RTN1: variants seen among roughly 807,000 people sequenced by gnomAD.
The protein encoded by RTN1 is reticulon 1, also known as reticulon-1.
A neutral mutation model predicts 65.5 loss-of-function variants in RTN1; 25 were observed. The ratio of observed to expected loss-of-function variants is 0.38; its 90% confidence interval spans 0.28 to 0.53. The LOEUF (loss-of-function observed/expected upper bound fraction) is 0.53. Ranked by LOEUF, RTN1 falls within the 20% of genes least tolerant of loss-of-function variation. The probability of loss-of-function intolerance (pLI) is 0.79; values close to 1 mark genes in which losing one functional copy is unlikely to be tolerated. For synonymous variants in RTN1, 471 were observed against 447.6 expected, an observed-to-expected ratio of 1.05 and a Z score of -0.66; for missense variants, 983 against 1,025.4, an observed-to-expected ratio of 0.96 and a Z score of 0.57.
intron 1 of RTN1, among the ~76,000 whole-genome samples, chr14:59,860,140 A>G (rs1887682037): frequency 6.6e-6 from 1 of 152,242 alleles, no homozygotes; most frequent in Non-Finnish European, 1.5e-5. Context: ...TCTTCACAGT[A>G]GCCCCTCCCA....
chr14:59,652,539 G>T (rs910921031), intron 3 of RTN1, among the ~76,000 whole-genome samples: 14 of 152,162 alleles, frequency 9.2e-5, no homozygotes, highest in African/African-American at 3.4e-4. Flanking sequence ...GATCACGAAT[G>T]GAGCTGGAGG....
chr14:59,689,138 A>T (rs558695678), intron 3 of RTN1, among the ~76,000 whole-genome samples: 106 of 152,302 alleles, frequency 7.0e-4, no homozygotes, highest in African/African-American at 2.4e-3. Context: ...TCTATAATTG[A>T]AAAACTCATT....
intron 1 of RTN1, 34 bp from the exon 2 acceptor site, chr14:59,746,515 G>A (rs944468310): frequency 1.3e-6 from 2 of 1,525,038 alleles, no homozygotes; most frequent in Non-Finnish European, 1.8e-6. Flanking sequence ...CAGTGAGTGG[G>A]TGCTTGGCGT....
At chr14:59,819,269 T>C (rs1167296717) in intron 1 of RTN1, among the ~76,000 whole-genome samples, 1 of 151,686 alleles carries the variant, frequency 6.6e-6, no homozygotes, top group Non-Finnish European at 1.5e-5. Flanking sequence ...ATGGAAGGGG[T>C]TCCTAGGAGG....
intron 1 of RTN1, among the ~76,000 whole-genome samples, chr14:59,795,782 GTAATTGTTGCTGAT>G (rs1293085568): frequency 6.6e-6 from 1 of 152,138 alleles, no homozygotes; most frequent in Non-Finnish European, 1.5e-5. Flanking sequence ...GTATATACAT[GTAATTGTTGCTGAT>G]TAATGTCACA....
At position 59,803,770 on chromosome 14, in the gene RTN1, G is replaced by C. The variant is rs1403236379; in HGVS notation, c.242-57289C>G. Among the ~76,000 whole-genome samples the C allele has an allele frequency of 6.6e-6, 1 of 152,196 alleles. No homozygotes were observed. The highest frequency in any genetic ancestry group is 2.4e-5 in the African/African-American group (1 of 41,444). ...AAAAACAGCAGCAAATAGCAAATGA[G>C]GCAGTATGCAGGTAGGTGGTTTAGG... On this transcript the variant is annotated intron_variant, in intron 1 of 8. Transcript: ENST00000267484. This position sits in a 1 kb window ranked among gnomAD's most constrained non-coding sequence, Gnocchi z 5.6.
intron 1 of RTN1, among the ~76,000 whole-genome samples, chr14:59,796,847 T>G (rs958262041): frequency 6.6e-6 from 1 of 152,186 alleles, no homozygotes. Flanking sequence ...TTTCACCAAC[T>G]AGATTGTGGG....
chr14:59,667,437 C>G lies in RTN1; in HGVS notation c.1765+59482G>C, dbSNP rs1424677100. Among the ~76,000 whole-genome samples, 3 of 152,262 alleles carry G rather than the reference C, an allele frequency of 2.0e-5. No individual in the cohort carries two copies. The East Asian group carries it at 5.8e-4, about 29-fold the overall frequency. On this transcript the variant is annotated intron_variant, in intron 3 of 8. Transcript: ENST00000267484. ...TTTCATGCTAAAAACTCTCAATCAACTAGGTATTGATGGAACATACCTCAA... is the reference window on the plus strand; with the variant it reads ...TTTCATGCTAAAAACTCTCAATCAAGTAGGTATTGATGGAACATACCTCAA...
chr14:59,835,656 C>T (rs1156450792), intron 1 of RTN1, among the ~76,000 whole-genome samples: 1 of 152,132 alleles, frequency 6.6e-6, no homozygotes, highest in Non-Finnish European at 1.5e-5. Flanking sequence ...CCCTGTAAGT[C>T]TCCAAATGAG....
At chr14:59,699,552 G>C (rs1011411452) in intron 3 of RTN1, among the ~76,000 whole-genome samples, 6 of 152,156 alleles carry the variant, frequency 3.9e-5, no homozygotes, top group Admixed American at 6.6e-5. Flanking sequence ...TGGAGGATGG[G>C]GAAGTAGCAA....
At chr14:59,746,992 T>G (rs1014784016) in intron 1 of RTN1, among the ~76,000 whole-genome samples, 1 of 152,198 alleles carries the variant, frequency 6.6e-6, no homozygotes, top group Non-Finnish European at 1.5e-5. Flanking sequence ...CTTTCATTCA[T>G]GGACTACTGA....
intron 3 of RTN1, among the ~76,000 whole-genome samples, chr14:59,629,902 T>C (rs1012086929): frequency 4.6e-5 from 7 of 152,210 alleles, no homozygotes; most frequent in Non-Finnish European, 7.3e-5. Flanking sequence ...CATCCTAATA[T>C]GTGGCTACGC....
intron 1 of RTN1, among the ~76,000 whole-genome samples, chr14:59,752,071 C>T (rs1885533847): frequency 6.6e-6 from 1 of 152,194 alleles, no homozygotes; most frequent in South Asian, 2.1e-4. Flanking sequence ...ACACTGGATC[C>T]TTCCAACCTC....
intron 3 of RTN1, among the ~76,000 whole-genome samples, chr14:59,609,662 G>C (rs1315773006): frequency 6.6e-6 from 1 of 152,146 alleles, no homozygotes; most frequent in Non-Finnish European, 1.5e-5. Context: ...AAGGCAGCAG[G>C]GCTAAAGGTC....
intron 2 of RTN1, among the ~76,000 whole-genome samples, chr14:59,745,428 AGTAT>A (rs1158552235): frequency 6.6e-6 from 1 of 152,152 alleles, no homozygotes; most frequent in East Asian, 1.9e-4. Context: ...TAATGTTTCC[AGTAT>A]GTCATTCTAA....
At chr14:59,762,381 G>T (rs771229708) in intron 1 of RTN1, among the ~76,000 whole-genome samples, 5 of 152,192 alleles carry the variant, frequency 3.3e-5, no homozygotes, top group Non-Finnish European at 5.9e-5. Flanking sequence ...TTAAATAGAT[G>T]ATCTCATTTC....
chr14:59,806,168 G>A lies in RTN1; in HGVS notation c.242-59687C>T, dbSNP rs988760655. On this transcript the variant is annotated intron_variant, in intron 1 of 8. Transcript: ENST00000267484. Reference sequence around the variant, plus strand: ...GGAGAATCACTCGAACCTGGGAGGCGGAGGGTATAGTGAGCTGAGATTGTG... The same window carrying A: ...GGAGAATCACTCGAACCTGGGAGGCAGAGGGTATAGTGAGCTGAGATTGTG... Among the ~76,000 whole-genome samples the A allele has an allele frequency of 2.6e-5, 4 of 152,024 alleles. No homozygotes were observed. In the East Asian group the frequency reaches 5.8e-4, roughly 22 times the overall value.
At chr14:59,796,422 T>C (rs921446529) in intron 1 of RTN1, among the ~76,000 whole-genome samples, 9 of 152,178 alleles carry the variant, frequency 5.9e-5, no homozygotes, top group African/African-American at 2.2e-4. Flanking sequence ...ATAGCACTGT[T>C]CATATCATTT....
intron 1 of RTN1, among the ~76,000 whole-genome samples, chr14:59,772,292 TTA>T (rs146557020): frequency 0.011 from 1,733 of 152,324 alleles, 31 homozygotes; most frequent in African/African-American, 0.039. Context: ...TTTGAATGTA[TTA>T]TGTTATCTCC....
Sources: allele counts gnomAD v4.1 joint callset (sites outside exome capture counted in the v4.1 genomes callset), GRCh38; gene constraint gnomAD v4.1.1; non-coding constraint Gnocchi (gnomAD v3.1); transcripts MANE v1.5; gene names NCBI Gene and HGNC (gene_info 2026-07-23, HGNC 2026-07-21).